C7orf57: variants seen among roughly 807,000 people sequenced by gnomAD.
C7orf57 encodes the protein chromosome 7 open reading frame 57.
Under a neutral mutation model 39.0 loss-of-function variants are expected in C7orf57, and 33 were observed. The ratio of observed to expected loss-of-function variants is 0.85; its 90% CI spans 0.64 to 1.13. The LOEUF is 1.13. Among genes scored for constraint, C7orf57 ranks in the 50% most tolerant of loss-of-function variants. C7orf57 has a pLI of 0.00. For missense variants in C7orf57, 346 were observed against 362.3 expected, an observed-to-expected ratio of 0.95 and a Z score of 0.37; for synonymous variants, 124 against 137.1, an observed-to-expected ratio of 0.90 and a Z score of 0.67.
chr7:48,055,216 T>A (rs1791084289), intron 8 of C7orf57, among the ~76,000 whole-genome samples: 2 of 152,168 alleles, frequency 1.3e-5, no homozygotes, highest in Admixed American at 6.5e-5. Flanking sequence ...AAAACATACT[T>A]TAGTTCATGG....
At chr7:48,036,789 C>A (rs1252821795) in intron 2 of C7orf57, among the ~76,000 whole-genome samples, 2 of 152,166 alleles carry the variant, frequency 1.3e-5, no homozygotes, top group Non-Finnish European at 2.9e-5. Context: ...ACTTTAGACC[C>A]CAAGCAAGTT....
Position 48,043,539 on chromosome 7 carries a change from G to T in C7orf57, c.300G>T (p.Leu100=), listed in dbSNP as rs1790614748. 1 of 1,613,828 alleles carries T rather than the reference G, an allele frequency of 6.2e-7. No homozygotes were observed. Among genetic ancestry groups the T allele is most frequent in the East Asian group, 2.2e-5 (1 of 44,896 alleles). ...AAGGCTCTCCAGTGGCCTACTCCCTGCCAGACTGGTATATCCACCACAGCA... is the reference window on the plus strand; with the variant it reads ...AAGGCTCTCCAGTGGCCTACTCCCTTCCAGACTGGTATATCCACCACAGCA... ...TRKGSPVAYS[L]PDWYIHHSKP... Residue 100 remains leucine, a synonymous_variant, in exon 4 of 9, where the codon CTG becomes CTT. Coordinates refer to ENST00000348904, the MANE Select transcript of C7orf57 (RefSeq NM_001100159.3).
chr7:48,051,766 C>CTTTTT (rs1554299677), intron 6 of C7orf57, among the ~76,000 whole-genome samples: 1 of 63,762 alleles, frequency 1.6e-5, no homozygotes, highest in African/African-American at 5.3e-5. Flanking sequence ...TTCTTTCTTT[C>CTTTTT]TTTCTTTCTT....
intron 3 of C7orf57, among the ~76,000 whole-genome samples, chr7:48,042,106 T>C (rs888499512): frequency 6.6e-6 from 1 of 152,254 alleles, no homozygotes; most frequent in Non-Finnish European, 1.5e-5. Flanking sequence ...GAGCCAGCCT[T>C]GTGGTCAGTG....
At chr7:48,057,677 G>A (rs1011803770) in intron 8 of C7orf57, among the ~76,000 whole-genome samples, 3 of 152,116 alleles carry the variant, frequency 2.0e-5, no homozygotes, top group African/African-American at 7.2e-5. Flanking sequence ...GTGATAGTGA[G>A]CACCCTTGTA....
chr7:48,037,817 C>A (rs1790427885), intron 2 of C7orf57, among the ~76,000 whole-genome samples: 1 of 151,456 alleles, frequency 6.6e-6, no homozygotes, highest in Non-Finnish European at 1.5e-5. Flanking sequence ...TCTTACTGAT[C>A]CAGGCCCTCA....
At chr7:48,040,228 G>A (rs1051593349) in intron 2 of C7orf57, among the ~76,000 whole-genome samples, 1 of 152,194 alleles carries the variant, frequency 6.6e-6, no homozygotes, top group African/African-American at 2.4e-5. Context: ...GCTTCACCAG[G>A]CCCATGTTCA....
At chr7:48,043,643 C>A in intron 4 of C7orf57, 54 bp downstream of exon 4, 1 of 1,362,506 alleles carries the variant, frequency 7.3e-7, no homozygotes, top group Non-Finnish European at 1.0e-6. Flanking sequence ...AAAAAAATAG[C>A]CCAATTTTAA....
At chr7:48,060,175 T>C in intron 8 of C7orf57, 51 bp from the exon 9 acceptor site, 1 of 1,207,438 alleles carries the variant, frequency 8.3e-7, no homozygotes, top group South Asian at 1.5e-5. Flanking sequence ...TGTTTTTTAA[T>C]TTATAGAAAA....
chr7:48,056,334 A>T (rs1311738102), intron 8 of C7orf57, among the ~76,000 whole-genome samples: 2 of 152,030 alleles, frequency 1.3e-5, no homozygotes, highest in Non-Finnish European at 2.9e-5. Context: ...TACTGAGTTG[A>T]GTTCCTTATA....
Position 48,035,691 on chromosome 7 carries a change from C to A in C7orf57, c.-102+61C>A. The A allele has an allele frequency of 1.7e-6, 1 of 598,474 alleles. No homozygotes were observed. Among genetic ancestry groups the A allele is most frequent in the East Asian group, 3.0e-5 (1 of 33,470 alleles). 37.1% of individuals were successfully genotyped at this position (598,474 alleles called of 1,614,324 possible). On this transcript the variant is annotated intron_variant, in intron 1 of 8. Transcript: ENST00000348904. This position sits in a 1 kb window ranked among gnomAD's most constrained non-coding sequence, Gnocchi z 4.0. The stretch of plus-strand genomic sequence containing the variant: ...CCACTGTGGTCCCGGGCCTTGTCCA[C>A]TGTGCGGAGCTCGCAGTGCGGGCAG...
At chr7:48,045,529 C>T (rs1269264002) in intron 4 of C7orf57, among the ~76,000 whole-genome samples, 1 of 152,186 alleles carries the variant, frequency 6.6e-6, no homozygotes, top group Non-Finnish European at 1.5e-5. Context: ...CCAGCCACCT[C>T]CTTCAGGTGC....
intron 8 of C7orf57, among the ~76,000 whole-genome samples, chr7:48,059,821 A>C (rs567893608): frequency 1.3e-5 from 2 of 152,342 alleles, no homozygotes; most frequent in Middle Eastern, 6.8e-3. Flanking sequence ...GAAGATTGCA[A>C]CAGGCTTGGG....
chr7:48,044,794 T>C (rs1002745453), intron 4 of C7orf57, among the ~76,000 whole-genome samples: 5 of 152,234 alleles, frequency 3.3e-5, no homozygotes, highest in African/African-American at 1.2e-4. Flanking sequence ...ATTTGAAATG[T>C]CTAAGAAATT....
At chr7:48,042,696 A>T (rs1240786013) in intron 3 of C7orf57, among the ~76,000 whole-genome samples, 1 of 152,118 alleles carries the variant, frequency 6.6e-6, no homozygotes, top group Non-Finnish European at 1.5e-5. Flanking sequence ...AAAAAAAAAA[A>T]AAGAAAAGTT....
intron 3 of C7orf57, among the ~76,000 whole-genome samples, chr7:48,043,260 G>A (rs140921192): frequency 3.9e-5 from 6 of 152,232 alleles, no homozygotes; most frequent in South Asian, 2.1e-4. Context: ...ATGTGGGGAG[G>A]CATACAGGAT....
chr7:48,054,328 C>A (rs1426895082), intron 7 of C7orf57, among the ~76,000 whole-genome samples: 1 of 150,116 alleles, frequency 6.7e-6, no homozygotes, highest in Non-Finnish European at 1.5e-5. Flanking sequence ...GCAGGAGAAT[C>A]ACTTGAACCC....
intron 2 of C7orf57, among the ~76,000 whole-genome samples, chr7:48,038,845 A>C (rs978145499): frequency 4.0e-5 from 6 of 151,868 alleles, no homozygotes; most frequent in African/African-American, 1.5e-4. Context: ...AGGTGGGATA[A>C]CTCCAAGTAT....
At chr7:48,044,041 G>A (rs1053286182) in intron 4 of C7orf57, among the ~76,000 whole-genome samples, 8 of 152,146 alleles carry the variant, frequency 5.3e-5, no homozygotes, top group African/African-American at 1.7e-4. Flanking sequence ...TGTGGGTCAC[G>A]GAAGAGAACC....
Sources: allele counts gnomAD v4.1 joint callset (sites outside exome capture counted in the v4.1 genomes callset), GRCh38; gene constraint gnomAD v4.1.1; non-coding constraint Gnocchi (gnomAD v3.1); transcripts MANE v1.5; gene names NCBI Gene and HGNC (gene_info 2026-07-23, HGNC 2026-07-21).